PTPRG: variants seen among roughly 807,000 people sequenced by gnomAD.
PTPRG encodes the protein receptor-type tyrosine-protein phosphatase gamma.
In PTPRG, 102 loss-of-function variants were observed where a neutral mutation model predicts 165.3. That is an observed-to-expected ratio of 0.62 (90% confidence interval 0.53 to 0.73). PTPRG has a LOEUF of 0.73. Ranked by LOEUF, PTPRG falls within the 30% of genes least tolerant of loss-of-function variation. PTPRG has a pLI of 0.00. For synonymous variants in PTPRG, 675 were observed against 669.5 expected (o/e 1.01, Z -0.13); for missense variants, 1,866 against 1,861.4 (o/e 1.00, Z -0.05).
At chr3:62,270,848 AT>A (rs1246863747) in intron 20 of PTPRG, among the ~76,000 whole-genome samples, 1 of 152,242 alleles carries the variant, frequency 6.6e-6, no homozygotes, top group Non-Finnish European at 1.5e-5. Context: ...TGAAAAAGTC[AT>A]TTATGAAAGT....
At chr3:61,727,027 A>G (rs973830282) in intron 1 of PTPRG, among the ~76,000 whole-genome samples, 15 of 150,554 alleles carry the variant, frequency 1.0e-4, no homozygotes, top group African/African-American at 3.7e-4. Context: ...AGCCTGGGCA[A>G]CACAGTGAGA....
intron 5 of PTPRG, chr3:62,124,557 G>T: frequency 1.4e-6 from 2 of 1,388,452 alleles, no homozygotes; most frequent in Non-Finnish European, 2.0e-6. Flanking sequence ...CCCAGGCGGT[G>T]GTCCAACAGG....
chr3:61,709,902 C>T (rs886826457), intron 1 of PTPRG, among the ~76,000 whole-genome samples: 2 of 152,142 alleles, frequency 1.3e-5, no homozygotes, highest in African/African-American at 2.4e-5. Flanking sequence ...ACATAGATTG[C>T]TGGGCCTTAT....
chr3:61,910,670 C>T (rs1370324594), intron 2 of PTPRG, among the ~76,000 whole-genome samples: 2 of 152,126 alleles, frequency 1.3e-5, no homozygotes, highest in Non-Finnish European at 2.9e-5. Flanking sequence ...AGATAACTCC[C>T]GAGGCTCCTC....
rs1028823392 is a variant in PTPRG at position 61,687,708 on chromosome 3, T to C, written c.86-61170T>C. Among the ~76,000 whole-genome samples the C allele has an allele frequency of 3.9e-5, 6 of 152,370 alleles. No homozygotes were observed. In the East Asian group the frequency reaches 9.6e-4, roughly 24 times the overall value. The stretch of plus-strand genomic sequence containing the variant: ...CATGGAAATCTTTTTATTAACACAT[T>C]AGACAAATTCTTTACATGCCAGTTT... On this transcript the variant is annotated intron_variant, in intron 1 of 29. Transcript: ENST00000474889.
Position 62,203,079 on chromosome 3 carries a change from C to G in PTPRG, c.1378-94C>G, listed in dbSNP as rs1700133018. ...GATGAGTAAAATCCTCAGAGGGTGACAACCAGGGCCTCATTCCCAATCTCA... is the reference window on the plus strand; with the variant it reads ...GATGAGTAAAATCCTCAGAGGGTGAGAACCAGGGCCTCATTCCCAATCTCA... On this transcript the variant is annotated intron_variant, in intron 11 of 29. Transcript: ENST00000474889. This position sits in a 1 kb window ranked among gnomAD's most constrained non-coding sequence, Gnocchi z 6.4. 6.6e-7 allele frequency: 1 copy of G among 1,506,882 alleles called. No homozygotes were observed. Among genetic ancestry groups the G allele is most frequent in the Non-Finnish European group, 8.9e-7 (1 of 1,128,294 alleles). 93.3% of individuals were successfully genotyped at this position (1,506,882 alleles called of 1,614,324 possible). A position where few individuals can be genotyped will look rare whatever the true frequency, so the allele number is the denominator to read the frequency against.
intron 2 of PTPRG, among the ~76,000 whole-genome samples, chr3:61,848,207 G>A (rs2036859371): frequency 6.6e-6 from 1 of 152,198 alleles, no homozygotes; most frequent in African/African-American, 2.4e-5. Flanking sequence ...TCTTAGGCTT[G>A]GGGTAGAGGT....
intron 1 of PTPRG, among the ~76,000 whole-genome samples, chr3:61,699,025 T>TG (rs1553651700): frequency 6.7e-6 from 1 of 150,202 alleles, no homozygotes; most frequent in Non-Finnish European, 1.5e-5. Context: ...TGCTGTGGGG[T>TG]GGGGGGAGCG....
chr3:62,205,536 G>A (rs1460537110), intron 12 of PTPRG, among the ~76,000 whole-genome samples: 3 of 152,172 alleles, frequency 2.0e-5, no homozygotes, highest in African/African-American at 7.2e-5. Context: ...CGGAGGGACA[G>A]TGTAGCTCTG....
At chr3:61,699,009 A>G (rs567492758) in intron 1 of PTPRG, among the ~76,000 whole-genome samples, 4 of 151,704 alleles carry the variant, frequency 2.6e-5, no homozygotes, top group South Asian at 2.1e-4. Flanking sequence ...ATCACACACC[A>G]GGGACTGCTG....
intron 5 of PTPRG, among the ~76,000 whole-genome samples, chr3:62,126,575 T>C (rs1703299561): frequency 6.6e-6 from 1 of 152,066 alleles, no homozygotes; most frequent in East Asian, 1.9e-4. Context: ...TCCTGGAAAA[T>C]AGATGATGAT....
chr3:62,243,850 T>C lies in PTPRG; in HGVS notation c.2419T>C (p.Ser807Pro). The part of the protein sequence containing the change: ...TAHFYVEDSS[S>P]PRVVPNESIP... ...TCATTTCTATGTGGAAGACAGCAGTTCACCTCGAGTGGTCCCTAATGAAAG... is the reference window on the plus strand; with the variant it reads ...TCATTTCTATGTGGAAGACAGCAGTCCACCTCGAGTGGTCCCTAATGAAAG... Residue 807 changes from serine (S) to proline (P), a missense_variant, in exon 15 of 30, where the codon TCA becomes CCA. Physicochemically the swap from Ser to Pro is moderately conservative, Grantham distance 74. Coordinates refer to ENST00000474889, the MANE Select transcript of PTPRG (RefSeq NM_002841.4). 1 of 1,596,998 alleles carries C rather than the reference T, an allele frequency of 6.3e-7. No homozygotes were observed. Among genetic ancestry groups the C allele is most frequent in the Non-Finnish European group, 8.6e-7 (1 of 1,165,020 alleles).
chr3:62,089,081 G>A (rs1701846309), intron 5 of PTPRG, among the ~76,000 whole-genome samples: 1 of 152,116 alleles, frequency 6.6e-6, no homozygotes, highest in South Asian at 2.1e-4. Flanking sequence ...TCTATCTACA[G>A]CATCTTAACA....
rs147423051 is a variant in PTPRG at position 62,079,556 on chromosome 3, G to T, written c.615+1298G>T. Among the ~76,000 whole-genome samples, 5 of 152,280 alleles carry T rather than the reference G, an allele frequency of 3.3e-5. No individual in the cohort carries two copies. The East Asian group carries it at 7.7e-4, about 24-fold the overall frequency. On this transcript the variant is annotated intron_variant, in intron 5 of 29. Transcript: ENST00000474889. ...AGTAAAGCATACTGGGTGTATGCTG[G>T]GTCATGATATAATGTGTATTGCTTA... is the stretch of plus-strand genomic sequence containing the variant.
chr3:61,760,107 A>G (rs1461064269), intron 2 of PTPRG, among the ~76,000 whole-genome samples: 1 of 152,204 alleles, frequency 6.6e-6, no homozygotes, highest in East Asian at 1.9e-4. Flanking sequence ...GCTTTCCAAT[A>G]TGGCAAAATA....
Position 62,217,059 on chromosome 3 carries a change from C to T in PTPRG, c.2156-1792C>T, listed in dbSNP as rs1396741120. ...CCTGCCTCTCCCCATTTAAAAGATT[C>T]CTCCCCATGGGTACAGCAGTGCTAC... is the stretch of plus-strand genomic sequence containing the variant. On this transcript the variant is annotated intron_variant, in intron 12 of 29. Coordinates refer to ENST00000474889, the MANE Select transcript of PTPRG (RefSeq NM_002841.4). This position sits in a 1 kb window ranked among gnomAD's most constrained non-coding sequence, Gnocchi z 4.3. Among the ~76,000 whole-genome samples the T allele has an allele frequency of 6.6e-6, 1 of 152,152 alleles. No individual in the cohort carries two copies. The highest frequency in any genetic ancestry group is 1.5e-5 in the Non-Finnish European group (1 of 68,036).
chr3:61,937,903 T>C (rs2039518272), intron 2 of PTPRG, among the ~76,000 whole-genome samples: 1 of 151,056 alleles, frequency 6.6e-6, no homozygotes, highest in Non-Finnish European at 1.5e-5. Flanking sequence ...AAGCTGTAAA[T>C]GAAAAGGAAA....
intron 1 of PTPRG, among the ~76,000 whole-genome samples, chr3:61,590,774 A>T (rs1047298482): frequency 2.6e-5 from 4 of 152,140 alleles, no homozygotes; most frequent in African/African-American, 9.7e-5. Context: ...GACCCCTAAT[A>T]CATTTAGCAT....
chr3:61,630,456 T>C (rs1363103431), intron 1 of PTPRG, among the ~76,000 whole-genome samples: 3 of 152,240 alleles, frequency 2.0e-5, no homozygotes, highest in Non-Finnish European at 2.9e-5. Flanking sequence ...TTTAGTATTG[T>C]GTGCTTTCCT....
Sources: allele counts gnomAD v4.1 joint callset (sites outside exome capture counted in the v4.1 genomes callset), GRCh38; gene constraint gnomAD v4.1.1; non-coding constraint Gnocchi (gnomAD v3.1); transcripts MANE v1.5; gene names NCBI Gene and HGNC (gene_info 2026-07-23, HGNC 2026-07-21).